FAT3: variants seen among roughly 807,000 people sequenced by gnomAD.
The protein encoded by FAT3 is protocadherin Fat 3.
A neutral mutation model predicts 310.2 loss-of-function variants in FAT3; 95 were observed. The observed-to-expected ratio is 0.31, with a 90% CI of 0.26 to 0.36. The LOEUF (loss-of-function observed/expected upper bound fraction) is 0.36, where lower values mean the gene tolerates loss of function less well. Ranked by LOEUF, FAT3 falls within the 10% of genes least tolerant of loss-of-function variation. The probability of loss-of-function intolerance (pLI) is 1.00; values close to 1 mark genes in which losing one functional copy is unlikely to be tolerated. For missense variants in FAT3, 5,408 were observed against 5,715.6 expected, an observed-to-expected ratio of 0.95 and a Z score of 1.74; for synonymous variants, 2,314 against 2,192.9, an observed-to-expected ratio of 1.06 and a Z score of -1.54.
intron 1 of FAT3, among the ~76,000 whole-genome samples, chr11:92,334,099 G>A (rs770138259): frequency 9.9e-5 from 15 of 152,196 alleles, no homozygotes; most frequent in Non-Finnish European, 1.5e-4. Flanking sequence ...GGGGGAGGTT[G>A]GGTGTGGTGG....
Position 92,495,370 on chromosome 11 carries a change from A to G in FAT3, c.3293-29264A>G, listed in dbSNP as rs1952722908. ...CGCGCATCTCCCAAATGCCTAGTTC[A>G]GTGGGATTGGACAGCTGCAACAATT... is the stretch of plus-strand genomic sequence containing the variant. On this transcript the variant is annotated intron_variant, in intron 2 of 27. Transcript: ENST00000525166. Among the ~76,000 whole-genome samples, 4 of 152,094 alleles carry G rather than the reference A, an allele frequency of 2.6e-5. No homozygotes were observed. In the South Asian group the frequency reaches 8.3e-4, roughly 31 times the overall value.
At chr11:92,230,583 C>T (rs1226116857) in intron 1 of FAT3, among the ~76,000 whole-genome samples, 1 of 152,166 alleles carries the variant, frequency 6.6e-6, no homozygotes, top group East Asian at 1.9e-4. Flanking sequence ...CATGAGCCAC[C>T]GTCCTCAGCC....
intron 1 of FAT3, among the ~76,000 whole-genome samples, chr11:92,332,325 C>G (rs915668593): frequency 2.0e-5 from 3 of 152,168 alleles, no homozygotes; most frequent in Non-Finnish European, 4.4e-5. Flanking sequence ...CTTCTGTGAT[C>G]CACCTCAGAT....
intron 21 of FAT3, among the ~76,000 whole-genome samples, chr11:92,860,166 G>A (rs914116264): frequency 1.3e-5 from 2 of 152,124 alleles, no homozygotes; most frequent in African/African-American, 4.8e-5. Flanking sequence ...ACAAAAACAA[G>A]CAAACAAGAT....
chr11:92,773,110 A>G (rs1269813912), intron 6 of FAT3, among the ~76,000 whole-genome samples: 2 of 152,140 alleles, frequency 1.3e-5, no homozygotes, highest in African/African-American at 2.4e-5. Flanking sequence ...CTTAATTAAA[A>G]TTGTTCCCAC....
chr11:92,324,114 G>A (rs928300195), intron 1 of FAT3, among the ~76,000 whole-genome samples: 2 of 152,144 alleles, frequency 1.3e-5, no homozygotes, highest in Non-Finnish European at 2.9e-5. Context: ...GGAATGTTGT[G>A]GCTGGTTTGG....
chr11:92,472,937 T>A (rs1951946790), intron 2 of FAT3, among the ~76,000 whole-genome samples: 1 of 152,224 alleles, frequency 6.6e-6, no homozygotes. Flanking sequence ...GAAGGCTGCT[T>A]GCTCTTCGTT....
chr11:92,290,106 T>A (rs1946653437), intron 1 of FAT3, among the ~76,000 whole-genome samples: 1 of 152,120 alleles, frequency 6.6e-6, no homozygotes, highest in Non-Finnish European at 1.5e-5. Context: ...ATCATCTGCA[T>A]GGCTCACTCC....
chr11:92,869,763 T>A (rs1949340165), intron 22 of FAT3, among the ~76,000 whole-genome samples: 1 of 152,210 alleles, frequency 6.6e-6, no homozygotes, highest in Non-Finnish European at 1.5e-5. Flanking sequence ...TCCTCTGAGC[T>A]GTGAGTGATA....
In FAT3 at chr11:92,882,973, A is replaced by C. The variant is rs2136411676; in HGVS notation, c.12517A>C (p.Ile4173Leu). 2 of 1,613,882 alleles carry C rather than the reference A, an allele frequency of 1.2e-6. No homozygotes were observed. Among genetic ancestry groups the C allele is most frequent in the Non-Finnish European group, 1.7e-6 (2 of 1,179,858 alleles). Reference protein sequence around the residue: ...FVIFILVVLFIVFRKKVFRKN... With the variant: ...FVIFILVVLFLVFRKKVFRKN... ...CATCTTCATCCTGGTGGTTCTCTTC[A>C]TAGTCTTCCGCAAGAAGGTCTTCCG... is the stretch of plus-strand genomic sequence containing the variant. The change falls in exon 24 of 28, where the codon ATA becomes CTA. Residue 4173 changes from isoleucine (I) to leucine (L), a missense_variant. Around this residue, in one of 5 missense-constraint regions of FAT3, gnomAD observed 649 missense variants for 666.2 expected, o/e 0.97. Transcript: ENST00000525166.
chr11:92,598,169 C>T (rs1205632073), intron 3 of FAT3, among the ~76,000 whole-genome samples: 2 of 149,110 alleles, frequency 1.3e-5, no homozygotes, highest in Non-Finnish European at 3.0e-5. Flanking sequence ...AAAGTTTCCA[C>T]AGGATTTTAA....
chr11:92,304,789 A>T (rs533943333), intron 1 of FAT3, among the ~76,000 whole-genome samples: 10 of 152,006 alleles, frequency 6.6e-5, no homozygotes, highest in Non-Finnish European at 1.3e-4. Context: ...TCCAAGAATA[A>T]ATGGGGAGCT....
intron 3 of FAT3, among the ~76,000 whole-genome samples, chr11:92,641,747 A>G (rs543234230): frequency 6.6e-6 from 1 of 152,362 alleles, no homozygotes; most frequent in South Asian, 2.1e-4. Flanking sequence ...ACGTATTCCA[A>G]GGGCTAGAAT....
chr11:92,387,255 G>A (rs775184474), intron 2 of FAT3, among the ~76,000 whole-genome samples: 9 of 152,226 alleles, frequency 5.9e-5, no homozygotes, highest in Non-Finnish European at 1.3e-4. Flanking sequence ...GAACTGGGAG[G>A]TGCATACAGC....
chr11:92,375,785 T>C (rs1199680683), intron 2 of FAT3, among the ~76,000 whole-genome samples: 2 of 152,356 alleles, frequency 1.3e-5, no homozygotes, highest in African/African-American at 4.8e-5. Flanking sequence ...GTGAGATGTT[T>C]GGTGACCATC....
chr11:92,583,078 A>AT lies in FAT3; in HGVS notation c.3607+58137dup, dbSNP rs1377278227. Among the ~76,000 whole-genome samples the AT allele has an allele frequency of 6.0e-5, 8 of 132,818 alleles. No individual in the cohort carries two copies. The East Asian group carries it at 1.6e-3, about 27-fold the overall frequency. 87.1% of individuals were successfully genotyped at this position (132,818 alleles called of 152,430 possible). A position where few individuals can be genotyped will look rare whatever the true frequency, so the allele number is the denominator to read the frequency against. ...AAATTAAATTAGCACTTTGCAGAAT[A>AT]TTTTTTTCAAAAAAAAAAACTACTC... On this transcript the variant is annotated intron_variant, in intron 3 of 27. Transcript: ENST00000525166.
intron 3 of FAT3, among the ~76,000 whole-genome samples, chr11:92,578,435 C>A (rs550021525): frequency 6.6e-6 from 1 of 152,066 alleles, no homozygotes; most frequent in Non-Finnish European, 1.5e-5. Flanking sequence ...GATCATTTTA[C>A]CAAACAAAAA....
chr11:92,496,464 G>A (rs550369224), intron 2 of FAT3, among the ~76,000 whole-genome samples: 50 of 151,926 alleles, frequency 3.3e-4, no homozygotes, highest in African/African-American at 1.1e-3. Flanking sequence ...TATTCATCCT[G>A]GGAACCCAGA....
At chr11:92,574,224 T>G (rs1938343588) in intron 3 of FAT3, among the ~76,000 whole-genome samples, 1 of 152,122 alleles carries the variant, frequency 6.6e-6, no homozygotes, top group African/African-American at 2.4e-5. Context: ...CAAATGTCTG[T>G]GAAAATACTG....
Sources: allele counts gnomAD v4.1 joint callset (sites outside exome capture counted in the v4.1 genomes callset), GRCh38; gene constraint gnomAD v4.1.1; regional missense constraint gnomAD v4.1.1; transcripts MANE v1.5; gene names NCBI Gene and HGNC (gene_info 2026-07-23, HGNC 2026-07-21).